The following RPRD2 variants were observed in gnomAD, a reference collection of about 807,000 sequenced individuals.
RPRD2 encodes regulation of nuclear pre-mRNA domain containing 2, also known as regulation of nuclear pre-mRNA domain-containing protein 2.
Under a neutral mutation model 104.4 loss-of-function variants are expected in RPRD2, and 12 were observed. That is an observed-to-expected ratio of 0.11 (90% CI 0.07 to 0.19). The LOEUF is 0.19. Among genes scored for constraint, RPRD2 ranks in the 10% least tolerant of loss-of-function variants. The pLI, the probability that RPRD2 is intolerant of heterozygous loss-of-function variation, is 1.00. For synonymous variants in RPRD2, 714 were observed against 684.9 expected, an observed-to-expected ratio of 1.04 and a Z score of -0.66; for missense variants, 1,543 against 1,790.1, an observed-to-expected ratio of 0.86 and a Z score of 2.49.
At chr1:150,462,556 T>C (rs1217745017) in intron 9 of RPRD2, among the ~76,000 whole-genome samples, 1 of 152,110 alleles carries the variant, frequency 6.6e-6, no homozygotes, top group Non-Finnish European at 1.5e-5. Flanking sequence ...TATTTTTATT[T>C]ATTTATTTAT....
rs71086508 is a variant in RPRD2 at position 150,411,788 on chromosome 1, CAAAAAAAAAAAAAAAA to C, written c.206-5795_206-5780del. 2.3e-3 allele frequency among the ~76,000 whole-genome samples: 162 copies of C among 70,724 alleles called. 2 individuals carry two copies. The highest frequency in any genetic ancestry group is 0.013 in the African/African-American group (138 of 10,994). 46.4% of individuals were successfully genotyped at this position (70,724 alleles called of 152,430 possible). On this transcript the variant is annotated intron_variant, in intron 1 of 10. Coordinates refer to ENST00000369068, the MANE Select transcript of RPRD2 (RefSeq NM_015203.5). ...CCTGGACGACAGAGCTAGACTGTCTCAAAAAAAAAAAAAAAAAAAAAAAAAAAACGAAACAAACAAA... is the reference window on the plus strand; with the variant it reads ...CCTGGACGACAGAGCTAGACTGTCTCAAAAAAAAAAAACGAAACAAACAAA...
intron 2 of RPRD2, among the ~76,000 whole-genome samples, chr1:150,437,977 TAAAA>T (rs35517552): frequency 1.2e-4 from 16 of 129,636 alleles, no homozygotes; most frequent in Non-Finnish European, 2.1e-4. Flanking sequence ...TGTCATTATT[TAAAA>T]AAAAAAAAAA....
chr1:150,454,668 C>T lies in RPRD2; in HGVS notation c.871-2620C>T, dbSNP rs55977161. On this transcript the variant is annotated intron_variant, in intron 7 of 10. Coordinates refer to ENST00000369068, the MANE Select transcript of RPRD2 (RefSeq NM_015203.5). ...TTCGAGATCAACCTAGCCAACATGG[C>T]GAAATTTTGTCTCAACAAAAAATAC... 8.9e-3 allele frequency among the ~76,000 whole-genome samples: 1,353 copies of T among 151,990 alleles called. 17 individuals are homozygous for T. Among genetic ancestry groups the T allele is most frequent in the Middle Eastern group, 0.021 (6 of 292 alleles).
chr1:150,458,355 G>A (rs1275214767), intron 8 of RPRD2, among the ~76,000 whole-genome samples: 2 of 151,792 alleles, frequency 1.3e-5, no homozygotes, highest in Non-Finnish European at 2.9e-5. Flanking sequence ...TGGAAAGGCT[G>A]AGGCAGGAGA....
At position 150,364,779 on chromosome 1, in the gene RPRD2, C is replaced by T. The variant is rs781865386; in HGVS notation, c.65C>T (p.Ala22Val). Residue 22 changes from alanine to valine, a missense_variant, in exon 1 of 11, where the codon GCT becomes GTT. Around this residue, in one of 4 missense-constraint regions of RPRD2, gnomAD observed 88 missense variants for 96.6 expected, o/e 0.91. Transcript: ENST00000369068. ...TCCTCGTCGGCCTCTTCGGCAGGGG[C>T]TCTGGAGTCCTCGTTGGATCGAAAA... is the stretch of plus-strand genomic sequence containing the variant. Reference protein sequence around the residue: ...ASSSSASSAGALESSLDRKFQ... With the variant: ...ASSSSASSAGVLESSLDRKFQ... 2.6e-4 allele frequency: 427 copies of T among 1,611,648 alleles called. No homozygotes were observed. The highest frequency in any genetic ancestry group is 3.3e-4 in the Non-Finnish European group (392 of 1,178,906).
intron 1 of RPRD2, among the ~76,000 whole-genome samples, chr1:150,404,662 T>C (rs1454273135): frequency 6.6e-6 from 1 of 152,150 alleles, no homozygotes; most frequent in Non-Finnish European, 1.5e-5. Flanking sequence ...TTGCCCAGGC[T>C]AGTCTCAAAC....
At chr1:150,392,499 C>T (rs1662164748) in intron 1 of RPRD2, among the ~76,000 whole-genome samples, 1 of 151,570 alleles carries the variant, frequency 6.6e-6, no homozygotes, top group South Asian at 2.1e-4. Context: ...AGTGAGACTC[C>T]AAAAAAAATT....
intron 2 of RPRD2, among the ~76,000 whole-genome samples, chr1:150,428,692 A>G (rs1321303978): frequency 6.6e-6 from 1 of 152,074 alleles, no homozygotes; most frequent in Admixed American, 6.6e-5. Context: ...AATGTTACTA[A>G]GGACCTGTAA....
intron 1 of RPRD2, among the ~76,000 whole-genome samples, chr1:150,374,290 T>G (rs1023646626): frequency 6.6e-6 from 1 of 152,228 alleles, no homozygotes; most frequent in Non-Finnish European, 1.5e-5. Context: ...GAGGTTGGCA[T>G]GCCCAGAAAG....
intron 2 of RPRD2, among the ~76,000 whole-genome samples, chr1:150,440,259 G>A (rs782018568): frequency 2.6e-5 from 4 of 151,938 alleles, no homozygotes; most frequent in Non-Finnish European, 4.4e-5. Context: ...CATCCACTAC[G>A]GCCTCCCACA....
intron 2 of RPRD2, among the ~76,000 whole-genome samples, chr1:150,429,675 T>C (rs1322312851): frequency 1.3e-5 from 2 of 152,242 alleles, no homozygotes; most frequent in East Asian, 1.9e-4. Flanking sequence ...TTCATTCAGC[T>C]ACTATTTAGT....
chr1:150,422,382 TAAA>T (rs1302679625), intron 2 of RPRD2, among the ~76,000 whole-genome samples: 1 of 79,174 alleles, frequency 1.3e-5, no homozygotes, highest in South Asian at 2.9e-4. Flanking sequence ...AAAATTAAAA[TAAA>T]AAAATAAAAC....
Position 150,466,377 on chromosome 1 carries a change from C to CA in RPRD2, c.1612+1672dup, listed in dbSNP as rs34200262. Among the ~76,000 whole-genome samples, 756 of 104,942 alleles carry CA rather than the reference C, an allele frequency of 7.2e-3. 3 individuals are homozygous for CA. Among genetic ancestry groups the CA allele is most frequent in the Middle Eastern group, 0.034 (7 of 204 alleles). 68.8% of individuals were successfully genotyped at this position (104,942 alleles called of 152,430 possible). Reference sequence around the variant, plus strand: ...TGGGCAAAAGAGCAAGACTCTGTCTCAAAAAAAAAAAAAAAAAAAAAATTA... The same window carrying CA: ...TGGGCAAAAGAGCAAGACTCTGTCTCAAAAAAAAAAAAAAAAAAAAAAATTA... On this transcript the variant is annotated intron_variant, in intron 10 of 10. Coordinates refer to ENST00000369068, the MANE Select transcript of RPRD2 (RefSeq NM_015203.5).
chr1:150,445,068 T>C (rs115536670), intron 6 of RPRD2, among the ~76,000 whole-genome samples: 2,112 of 152,250 alleles, frequency 0.014, 55 homozygotes, highest in African/African-American at 0.048. Context: ...ACACCTGTAG[T>C]CCTAGCTGCT....
At position 150,372,414 on chromosome 1, in the gene RPRD2, C is replaced by T. The variant is rs587655871; in HGVS notation, c.205+7495C>T. ...CTGAGGCAGGAGAATTGCTTGAACC[C>T]GGGAGGCAGAGGTTGCAGTGAGCCA... On this transcript the variant is annotated intron_variant, in intron 1 of 10. Transcript: ENST00000369068. 6.6e-5 allele frequency among the ~76,000 whole-genome samples: 10 copies of T among 151,756 alleles called. No homozygotes were observed. The South Asian group carries it at 1.2e-3, about 19-fold the overall frequency.
intron 1 of RPRD2, among the ~76,000 whole-genome samples, chr1:150,385,989 G>A (rs1427287417): frequency 6.6e-6 from 1 of 152,118 alleles, no homozygotes; most frequent in Non-Finnish European, 1.5e-5. Context: ...TAGGTAAGTA[G>A]GGTAGAGTTT....
intron 7 of RPRD2, among the ~76,000 whole-genome samples, chr1:150,447,761 C>T (rs1015479083): frequency 4.6e-5 from 7 of 152,128 alleles, no homozygotes; most frequent in African/African-American, 1.7e-4. Flanking sequence ...TGTGTATCGC[C>T]GTAAAAGCAT....
intron 2 of RPRD2, among the ~76,000 whole-genome samples, chr1:150,422,890 G>A (rs2102294052): frequency 6.6e-6 from 1 of 152,176 alleles, no homozygotes; most frequent in African/African-American, 2.4e-5. Context: ...CCCAAATAAG[G>A]GAAAGTAGGA....
At chr1:150,424,975 T>G (rs1665017784) in intron 2 of RPRD2, among the ~76,000 whole-genome samples, 1 of 152,196 alleles carries the variant, frequency 6.6e-6, no homozygotes, top group Non-Finnish European at 1.5e-5. Flanking sequence ...TTCATTCACT[T>G]CAGACTACAT....
Sources: allele counts gnomAD v4.1 joint callset (sites outside exome capture counted in the v4.1 genomes callset), GRCh38; gene constraint gnomAD v4.1.1; regional missense constraint gnomAD v4.1.1; transcripts MANE v1.5; gene names NCBI Gene and HGNC (gene_info 2026-07-23, HGNC 2026-07-21).